Variants in CASP10 observed in about 807,000 individuals in gnomAD.
CASP10 encodes the protein caspase-10.
CASP10 carries 41 observed loss-of-function variants against 48.5 expected under a neutral mutation model. The observed-to-expected ratio is 0.85, with a 90% CI of 0.66 to 1.10. CASP10 has a LOEUF of 1.10. Ranked by LOEUF, CASP10 falls within the 50% of genes least tolerant of loss-of-function variation. The pLI is 0.00. For synonymous variants in CASP10, 232 were observed against 238.4 expected (o/e 0.97, Z 0.25); for missense variants, 614 against 614.5 (o/e 1.00, Z 0.01).
chr2:201,220,260 C>A lies in CASP10; in HGVS notation c.*2519C>A. 1 of 573,358 alleles carries A rather than the reference C, an allele frequency of 1.7e-6. No homozygotes were observed. Among genetic ancestry groups the A allele is most frequent in the Non-Finnish European group, 2.2e-6 (1 of 453,798 alleles). The allele number at this position is 573,358 out of a possible 1,614,324, so 35.5% of individuals were successfully genotyped here. A position where few individuals can be genotyped will look rare whatever the true frequency, so the allele number is the denominator to read the frequency against. ...GCATTTCAAGGAAATCACTTCTTTT[C>A]TAACAGCGAGCAGCCAGAAAGAGAA... On this transcript the variant is annotated 3_prime_UTR_variant, in exon 10 of 10. Transcript: ENST00000286186.
chr2:201,224,401 T>A (rs528951583), downstream of CASP10, among the ~76,000 whole-genome samples: 12 of 152,354 alleles, frequency 7.9e-5, 1 homozygote, highest in African/African-American at 2.4e-4. Context: ...TAACATAACT[T>A]TTGCAAATCT....
chr2:201,203,825 T>G, intron 6 of CASP10, 59 bp downstream of exon 6: 2 of 1,305,530 alleles, frequency 1.5e-6, no homozygotes, highest in Non-Finnish European at 2.2e-6. Context: ...ATAGACATAT[T>G]TGATATATAC....
At chr2:201,228,654 G>A (rs112107856) in intron 9 of CASP10, among the ~76,000 whole-genome samples, 3 of 152,292 alleles carry the variant, frequency 2.0e-5, no homozygotes, top group African/African-American at 7.2e-5. Context: ...AGGAGCCATG[G>A]CCTCTCCACT....
At chr2:201,207,302 C>G (rs1243679523) in intron 7 of CASP10, among the ~76,000 whole-genome samples, 3 of 152,100 alleles carry the variant, frequency 2.0e-5, no homozygotes, top group Non-Finnish European at 4.4e-5. Flanking sequence ...CATAAATACC[C>G]CAAGGGGTTT....
At position 201,208,170 on chromosome 2, in the gene CASP10, C is replaced by G. The variant is rs768371369; in HGVS notation, c.909C>G (p.Thr303=). The change falls in exon 8 of 10, where the codon ACC becomes ACG. Residue 303 remains threonine, a synonymous_variant. Transcript: ENST00000286186. ...SFTSLKDRQG[T]HKDAEILSHV... ...CCTCCCTGAAGGACAGACAAGGAAC[C>G]CATAAAGATGCTGGTAAGAAAGTCT... is the stretch of plus-strand genomic sequence containing the variant. The G allele has an allele frequency of 3.7e-6, 6 of 1,612,758 alleles. No individual in the cohort carries two copies. Among genetic ancestry groups the G allele is most frequent in the Non-Finnish European group, 4.2e-6 (5 of 1,179,490 alleles).
At chr2:201,198,627 G>A (rs41504752) in intron 5 of CASP10, among the ~76,000 whole-genome samples, 8,394 of 135,780 alleles carry the variant, frequency 0.062, 310 homozygotes, top group African/African-American at 0.12. Context: ...TGCAAGCTCC[G>A]CCTCCCGTGT....
At chr2:201,208,427 G>T in intron 8 of CASP10, 1 of 959,590 alleles carries the variant, frequency 1.0e-6, no homozygotes, top group South Asian at 4.8e-5. Flanking sequence ...GGATTGGCAC[G>T]AGACAACTTG....
At chr2:201,200,354 C>A in intron 5 of CASP10, 7 of 1,227,706 alleles carry the variant, frequency 5.7e-6, no homozygotes. Context: ...GGTTGTAAAA[C>A]AATGCTTTTC....
At chr2:201,198,725 A>G (rs1198798237) in intron 5 of CASP10, among the ~76,000 whole-genome samples, 4 of 151,382 alleles carry the variant, frequency 2.6e-5, no homozygotes, top group Non-Finnish European at 5.9e-5. Context: ...TATTTTTAGT[A>G]GAGACGGGGT....
At position 201,209,169 on chromosome 2, in the gene CASP10, GC is replaced by G; in HGVS notation, c.1023del (p.Cys341Ter). The G allele has an allele frequency of 6.2e-7, 1 of 1,612,522 alleles. No individual in the cohort carries two copies. The highest frequency in any genetic ancestry group is 8.5e-7 in the Non-Finnish European group (1 of 1,179,090). On this transcript the variant is annotated frameshift_variant, in exon 9 of 10. Transcript: ENST00000286186. LOFTEE classifies it high-confidence loss of function. ...EMEMVLQKQK[C>X]NPAHADGDCF... ...GAGATGGTCCTGCAGAAGCAGAAGT[GC>G]AATCCAGCCCATGCCGACGGGGACT...
intron 3 of CASP10, among the ~76,000 whole-genome samples, chr2:201,191,203 C>A (rs1027274585): frequency 6.6e-6 from 1 of 152,012 alleles, no homozygotes; most frequent in Non-Finnish European, 1.5e-5. Flanking sequence ...ACATTTCCCC[C>A]CTACTAAAAT....
chr2:201,220,855 T>C lies in CASP10; in HGVS notation c.*3114T>C. On this transcript the variant is annotated 3_prime_UTR_variant, in exon 10 of 10. Transcript: ENST00000286186. The stretch of plus-strand genomic sequence containing the variant: ...ACATGTGAAGGCAAGTGAAGGATGG[T>C]GAGATACTGAGGAAAGAGCAAAGGA... 9 of 985,422 alleles carry C rather than the reference T, an allele frequency of 9.1e-6. No individual in the cohort carries two copies. The highest frequency in any genetic ancestry group is 1.1e-5 in the Non-Finnish European group (9 of 829,926). 61.0% of individuals were successfully genotyped at this position (985,422 alleles called of 1,614,324 possible). A position where few individuals can be genotyped will look rare whatever the true frequency, so the allele number is the denominator to read the frequency against.
chr2:201,192,950 GC>G lies in CASP10; in HGVS notation c.442-33del, dbSNP rs761695063. The G allele has an allele frequency of 1.9e-5, 31 of 1,607,126 alleles. No homozygotes were observed. In the East Asian group the frequency reaches 6.9e-4, roughly 36 times the overall value. ...ATTTGAGTGAGTGGATAATCAATAG[GC>G]AAGTAAATGTAACTCTATTGATTCT... On this transcript the variant is annotated intron_variant, in intron 3 of 9. Transcript: ENST00000286186.
intron 3 of CASP10, among the ~76,000 whole-genome samples, chr2:201,190,639 T>A (rs1944576320): frequency 6.6e-6 from 1 of 152,148 alleles, no homozygotes; most frequent in South Asian, 2.1e-4. Flanking sequence ...GAGACCACTT[T>A]TTATTGTTAT....
rs1192128429 is a variant in CASP10 at position 201,219,976 on chromosome 2, T to TA, written c.*2242dup. The TA allele has an allele frequency of 1.1e-5, 11 of 985,214 alleles. No homozygotes were observed. The African/African-American group carries it at 1.2e-4, about 11-fold the overall frequency. The allele number at this position is 985,214 out of a possible 1,614,324, so 61.0% of individuals were successfully genotyped here. A position where few individuals can be genotyped will look rare whatever the true frequency, so the allele number is the denominator to read the frequency against. ...GTTTCATTTGATATGTGAATGCTCA[T>TA]AAAAAAATGTCAAGGAATGAAGAAC... On this transcript the variant is annotated 3_prime_UTR_variant, in exon 10 of 10. Transcript: ENST00000286186.
Position 201,217,708 on chromosome 2 carries a change from A to G in CASP10, c.1536A>G (p.Val512=). ...CTTTCACACTAAGGAAAAAACTAGT[A>G]TTCCCTGTGCCCCTGGATGCACTTT... The part of the protein sequence containing the change: ...QPAFTLRKKL[V]FPVPLDALSL The change falls in exon 10 of 10, where the codon GTA becomes GTG. Residue 512 remains valine, a synonymous_variant. Transcript: ENST00000286186. The G allele has an allele frequency of 6.2e-7, 1 of 1,614,066 alleles. No individual in the cohort carries two copies. The highest frequency in any genetic ancestry group is 1.1e-5 in the South Asian group (1 of 91,076).
At chr2:201,209,929 G>A (rs1454014409) in intron 9 of CASP10, among the ~76,000 whole-genome samples, 1 of 152,186 alleles carries the variant, frequency 6.6e-6, no homozygotes, top group Non-Finnish European at 1.5e-5. Flanking sequence ...GACGGGGAAG[G>A]GCATCCCCAG....
chr2:201,208,038 A>G (rs1305701620), intron 7 of CASP10, 37 bp from the exon 8 acceptor site: 1 of 1,474,406 alleles, frequency 6.8e-7, no homozygotes. Context: ...GCCCTAAGAT[A>G]AGGATTCCTA....
chr2:201,217,381 G>T (rs1362145426), intron 9 of CASP10, among the ~76,000 whole-genome samples: 2 of 152,052 alleles, frequency 1.3e-5, no homozygotes, highest in Non-Finnish European at 2.9e-5. Flanking sequence ...GCCTGGGCAA[G>T]CAATATGGTG....
Sources: gnomAD v4.1 joint callset for allele counts (sites outside exome capture counted in the v4.1 genomes callset) on GRCh38, gnomAD v4.1.1 for gene constraint, MANE v1.5 for transcripts, NCBI Gene and HGNC (gene_info 2026-07-23, HGNC 2026-07-21) for gene names.